The following SMIM27 variants were observed in gnomAD, a reference collection of about 807,000 sequenced individuals.
SMIM27 encodes the protein TOPORS antisense RNA 1 (non-protein coding).
In SMIM27, 3 loss-of-function variants were observed where a neutral mutation model predicts 1.8. The ratio of observed to expected loss-of-function variants is 1.65; its 90% CI spans 0.75 to 4.28. SMIM27 has a LOEUF of 4.28. SMIM27 is among the 30% of genes most tolerant of loss of function. The pLI is 0.02. For synonymous variants in SMIM27, 19 were observed against 13.9 expected (o/e 1.37, Z -0.82); for missense variants, 63 against 37.0 (o/e 1.70, Z -1.83).
At chr9:32,566,200 T>C (rs1305249065) in intron 1 of SMIM27, 12 of 778,470 alleles carry the variant, frequency 1.5e-5, no homozygotes, top group African/African-American at 3.4e-5. Flanking sequence ...CTGGGGTTTG[T>C]AGATTCTGTT....
At chr9:32,556,488 G>A (rs1413030777), downstream of SMIM27, among the ~76,000 whole-genome samples, 1 of 152,204 alleles carries the variant, frequency 6.6e-6, no homozygotes, top group African/African-American at 2.4e-5. Flanking sequence ...GTTTTGTTAA[G>A]CCATTGAGAT....
upstream of SMIM27, chr9:32,552,256 T>G (rs1184029582): frequency 1.2e-6 from 1 of 811,538 alleles, no homozygotes; most frequent in South Asian, 1.5e-5. Flanking sequence ...CCCGATCACG[T>G]GATACCGCCC....
intron 1 of SMIM27, among the ~76,000 whole-genome samples, chr9:32,558,744 CTGTT>C (rs1177418853): frequency 2.0e-5 from 3 of 149,736 alleles, no homozygotes; most frequent in Non-Finnish European, 4.4e-5. Flanking sequence ...GTATTTCTTC[CTGTT>C]TTTTTTTGTT....
At chr9:32,552,678 T>C in intron 1 of SMIM27, 123 bp from the exon 2 acceptor site, 1 of 654,452 alleles carries the variant, frequency 1.5e-6, no homozygotes, top group Non-Finnish European at 2.8e-6. Context: ...TACCCGCCAC[T>C]GGAACCCCAT....
chr9:32,552,705 C>CT, intron 1 of SMIM27, 96 bp from the exon 2 acceptor site: 1 of 661,972 alleles, frequency 1.5e-6, no homozygotes, highest in Non-Finnish European at 2.7e-6. Context: ...GACTTTGTTA[C>CT]TTTAATTCCC....
At chr9:32,566,719 G>A (rs1374494101) in exon 2 of SMIM27, 13 of 861,462 alleles carry the variant, frequency 1.5e-5, no homozygotes, top group Admixed American at 3.4e-5. Flanking sequence ...TTCCAAAATC[G>A]GGACTCCAAG....
downstream of SMIM27, chr9:32,553,884 G>A (rs200492335): frequency 9.9e-5 from 157 of 1,584,320 alleles, 1 homozygote; most frequent in Middle Eastern, 6.6e-4. Flanking sequence ...CTTTAATGAT[G>A]TTGATCAGGA....
At chr9:32,559,986 G>T (rs904981105) in intron 1 of SMIM27, among the ~76,000 whole-genome samples, 4 of 152,166 alleles carry the variant, frequency 2.6e-5, no homozygotes, top group Non-Finnish European at 5.9e-5. Context: ...AAATTTAAAA[G>T]ATTATTGGCA....
At chr9:32,566,425 T>G in exon 2 of SMIM27, 1 of 852,912 alleles carries the variant, frequency 1.2e-6, no homozygotes, top group Non-Finnish European at 2.1e-6. Flanking sequence ...GCTCTCCCTG[T>G]TACTGTAGGG....
chr9:32,553,773 T>G, downstream of SMIM27: 1 of 772,158 alleles, frequency 1.3e-6, no homozygotes, highest in Non-Finnish European at 2.2e-6. Flanking sequence ...TGACAATTTC[T>G]GAGATTAAAC....
At chr9:32,551,844 A>G, upstream of SMIM27, 2 of 447,118 alleles carry the variant, frequency 4.5e-6, no homozygotes, top group South Asian at 1.6e-5. Flanking sequence ...AGAGATATAC[A>G]TTACGCTATA....
chr9:32,566,225 T>C (rs1821784752), intron 1 of SMIM27: 2 of 879,436 alleles, frequency 2.3e-6, no homozygotes, highest in Admixed American at 1.7e-5. Flanking sequence ...TCATAGCTGG[T>C]TTTGTGGGTG....
intron 1 of SMIM27, among the ~76,000 whole-genome samples, chr9:32,563,088 A>T (rs1434599742): frequency 6.6e-6 from 1 of 152,212 alleles, no homozygotes; most frequent in East Asian, 1.9e-4. Flanking sequence ...AATTTAATCA[A>T]TAAATTACAT....
intron 1 of SMIM27, 136 bp from the exon 2 acceptor site, chr9:32,552,665 G>C: frequency 3.1e-6 from 2 of 652,506 alleles, no homozygotes; most frequent in East Asian, 5.4e-5. Context: ...GGGCTGCTGG[G>C]TGTACCCGCC....
intron 1 of SMIM27, among the ~76,000 whole-genome samples, chr9:32,561,039 CAG>C (rs1319559500): frequency 2.6e-5 from 4 of 152,182 alleles, no homozygotes; most frequent in Non-Finnish European, 1.5e-5. Flanking sequence ...GAAAACATAA[CAG>C]ATGTATAATG....
chr9:32,554,085 T>A, downstream of SMIM27: 1 of 514,090 alleles, frequency 1.9e-6, no homozygotes, highest in Non-Finnish European at 3.5e-6. Context: ...CTAGACAAAG[T>A]AGAAGCTGAC....
upstream of SMIM27, chr9:32,552,286 G>A: frequency 1.7e-6 from 2 of 1,173,188 alleles, no homozygotes; most frequent in Non-Finnish European, 2.5e-6. Context: ...GGGCGGAAGA[G>A]GCCAGCGACA....
At chr9:32,556,846 CTT>C (rs10703297), downstream of SMIM27, among the ~76,000 whole-genome samples, 3 of 82,340 alleles carry the variant, frequency 3.6e-5, no homozygotes, top group East Asian at 2.8e-4. Context: ...AAATCCCCTA[CTT>C]TTTTTTTTTT....
chr9:32,553,154 G>T, downstream of SMIM27: 1 of 397,980 alleles, frequency 2.5e-6, no homozygotes, highest in Admixed American at 4.2e-5. Flanking sequence ...GTTGGAATAA[G>T]CTTTTCAATC....
Sources: gnomAD v4.1 joint callset for allele counts (sites outside exome capture counted in the v4.1 genomes callset) on GRCh38, gnomAD v4.1.1 for gene constraint, MANE v1.5 for transcripts, NCBI Gene and HGNC (gene_info 2026-07-23, HGNC 2026-07-21) for gene names.